FTCDNL1: variants seen among roughly 807,000 people sequenced by gnomAD.
FTCDNL1 encodes the protein formiminotransferase N-terminal subdomain-containing protein.
FTCDNL1 carries 11 observed loss-of-function variants against 5.9 expected under a neutral mutation model. The observed-to-expected ratio is 1.87, with a 90% CI of 1.18 to 3.10. FTCDNL1 has a LOEUF of 3.10. FTCDNL1 is among the 30% of genes most tolerant of loss of function. The pLI is 0.00. For synonymous variants in FTCDNL1, 58 were observed against 24.8 expected, an observed-to-expected ratio of 2.34 and a Z score of -3.99; for missense variants, 115 against 65.5, an observed-to-expected ratio of 1.76 and a Z score of -2.61.
At chr2:199,777,084 G>C (rs1385467692) in intron 3 of FTCDNL1, among the ~76,000 whole-genome samples, 1 of 151,598 alleles carries the variant, frequency 6.6e-6, no homozygotes, top group Non-Finnish European at 1.5e-5. Context: ...CCAGAGGTCA[G>C]GAGTTCGAGA....
chr2:199,702,316 C>A, the FTCDNL1 span, among the ~76,000 whole-genome samples: 31 of 152,182 alleles, frequency 2.0e-4, no homozygotes, highest in Non-Finnish European at 3.5e-4. Context: ...AATAATATTT[C>A]CACCAAAGTC....
chr2:199,849,317 T>C (rs2076814795), intron 1 of FTCDNL1, among the ~76,000 whole-genome samples: 1 of 152,218 alleles, frequency 6.6e-6, no homozygotes, highest in Admixed American at 6.5e-5. Flanking sequence ...TCTGTACTAT[T>C]TTACAAACAG....
intron 4 of FTCDNL1, 46 bp downstream of exon 4, chr2:199,819,526 T>TAA (rs761406357): frequency 3.5e-3 from 2,248 of 635,730 alleles, no homozygotes; most frequent in Non-Finnish European, 4.4e-3. Flanking sequence ...ACCTCAAGTT[T>TAA]AAAAAAAAAA....
chr2:199,714,015 T>C, the FTCDNL1 span, among the ~76,000 whole-genome samples: 1 of 152,204 alleles, frequency 6.6e-6, no homozygotes, highest in Non-Finnish European at 1.5e-5. Flanking sequence ...GCAAATCAGA[T>C]TGGCTTTGGA....
chr2:199,831,690 G>A (rs1702381965), intron 3 of FTCDNL1, among the ~76,000 whole-genome samples: 1 of 152,146 alleles, frequency 6.6e-6, no homozygotes, highest in Non-Finnish European at 1.5e-5. Flanking sequence ...CCATAACTTG[G>A]CAGGGGGACA....
At chr2:199,846,533 G>T (rs1333303011) in intron 2 of FTCDNL1, among the ~76,000 whole-genome samples, 1 of 152,066 alleles carries the variant, frequency 6.6e-6, no homozygotes, top group Non-Finnish European at 1.5e-5. Context: ...TCATCACCTA[G>T]GCCTTGTCAA....
the FTCDNL1 span, among the ~76,000 whole-genome samples, chr2:199,744,515 G>A: frequency 1.4e-4 from 22 of 152,270 alleles, no homozygotes; most frequent in African/African-American, 5.3e-4. Flanking sequence ...GTAGCTGTCT[G>A]CAAGCCAGGA....
chr2:199,805,078 G>C (rs569176262), downstream of FTCDNL1, among the ~76,000 whole-genome samples: 3 of 152,248 alleles, frequency 2.0e-5, no homozygotes, highest in African/African-American at 7.2e-5. Context: ...ACAAGTGTTG[G>C]GGGGTGGGGA....
In FTCDNL1 at chr2:199,810,037, A is replaced by AT. The variant is rs79410372; in HGVS notation, c.*2667dup. On this transcript the variant is annotated 3_prime_UTR_variant, in exon 5 of 5. Coordinates refer to ENST00000420128, the MANE Select transcript of FTCDNL1 (RefSeq NM_001363886.2). ...TTATCTACTCTAAACTATCCGAAGGATTTTTTTTTTCCTAAAAGAGCTCGA... is the reference window on the plus strand; with the variant it reads ...TTATCTACTCTAAACTATCCGAAGGATTTTTTTTTTTCCTAAAAGAGCTCGA... Among the ~76,000 whole-genome samples, 15 of 149,970 alleles carry AT rather than the reference A, an allele frequency of 1.0e-4. No individual in the cohort carries two copies. The highest frequency in any genetic ancestry group is 6.4e-4 in the South Asian group (3 of 4,706).
At chr2:199,825,137 CAAA>C (rs564018681) in intron 3 of FTCDNL1, among the ~76,000 whole-genome samples, 4 of 84,522 alleles carry the variant, frequency 4.7e-5, no homozygotes, top group African/African-American at 5.1e-5. Context: ...GACCCTGTCT[CAAA>C]AAAAAAAAAA....
chr2:199,665,266 T>C, the FTCDNL1 span, among the ~76,000 whole-genome samples: 4 of 152,132 alleles, frequency 2.6e-5, no homozygotes, highest in Non-Finnish European at 4.4e-5. Flanking sequence ...CCAGTGTCTT[T>C]AGACACCCCA....
chr2:199,768,574 G>GT lies in FTCDNL1; in HGVS notation c.212-7740dup, dbSNP rs35383132. On this transcript the variant is annotated intron_variant, in intron 3 of 3. Transcript: ENST00000416668. ...TCCCCTTTTCCCATAGTTGAGATTA[G>GT]TTTTTTTTTTTAATTAGGAAATCAG... Among the ~76,000 whole-genome samples, 1,169 of 149,746 alleles carry GT rather than the reference G, an allele frequency of 7.8e-3. 7 individuals are homozygous for GT. The highest frequency in any genetic ancestry group is 0.018 in the African/African-American group (746 of 40,542).
chr2:199,765,839 G>A (rs1004298144), intron 3 of FTCDNL1, among the ~76,000 whole-genome samples: 3 of 151,768 alleles, frequency 2.0e-5, no homozygotes, highest in Non-Finnish European at 4.4e-5. Context: ...CACTGTGTCT[G>A]GCCTTCATTC....
the FTCDNL1 span, among the ~76,000 whole-genome samples, chr2:199,727,561 C>T: frequency 3.3e-5 from 5 of 152,140 alleles, no homozygotes; most frequent in Non-Finnish European, 7.3e-5. Context: ...AGTTGTTCAC[C>T]CTACTTTTCC....
downstream of FTCDNL1, among the ~76,000 whole-genome samples, chr2:199,755,815 C>T (rs77212423): frequency 5.3e-3 from 810 of 152,110 alleles, 34 homozygotes; most frequent in East Asian, 0.12. Flanking sequence ...ATGTTTGCTG[C>T]GAGGATTAAG....
At chr2:199,691,248 C>T in the FTCDNL1 span, among the ~76,000 whole-genome samples, 16,175 of 152,266 alleles carry the variant, frequency 0.11, 1,192 homozygotes, top group Middle Eastern at 0.24. Flanking sequence ...TCTTGGCTCA[C>T]TGCAACCTCC....
At chr2:199,849,586 G>A (rs1487530263) in intron 1 of FTCDNL1, among the ~76,000 whole-genome samples, 3 of 152,122 alleles carry the variant, frequency 2.0e-5, no homozygotes, top group Non-Finnish European at 4.4e-5. Flanking sequence ...TCTGTAACTT[G>A]AAAGATGATA....
the FTCDNL1 span, among the ~76,000 whole-genome samples, chr2:199,702,090 G>A: frequency 6.6e-6 from 1 of 151,986 alleles, no homozygotes; most frequent in African/African-American, 2.4e-5. Context: ...TAAACATTGA[G>A]TACATATGGA....
chr2:199,735,829 T>C, the FTCDNL1 span, among the ~76,000 whole-genome samples: 64 of 152,328 alleles, frequency 4.2e-4, no homozygotes, highest in African/African-American at 1.5e-3. Flanking sequence ...AGGCACTTGA[T>C]AAATATCTGT....
Sources: allele counts gnomAD v4.1 joint callset (sites outside exome capture counted in the v4.1 genomes callset), GRCh38; gene constraint gnomAD v4.1.1; transcripts MANE v1.5; gene names NCBI Gene and HGNC (gene_info 2026-07-23, HGNC 2026-07-21).